Variants in CELF2 observed in about 807,000 individuals in gnomAD.
CELF2 encodes the protein CUG triplet repeat RNA-binding protein 2.
CELF2 carries 8 observed loss-of-function variants against 62.6 expected under a neutral mutation model. The observed-to-expected ratio is 0.13, with a 90% CI of 0.07 to 0.23. The LOEUF is 0.23. CELF2 is among the 10% of genes least tolerant of loss of function. The pLI is 1.00. For synonymous variants in CELF2, 258 were observed against 250.0 expected (o/e 1.03, Z -0.30); for missense variants, 333 against 671.0 (o/e 0.50, Z 5.56).
chr10:11,308,485 A>G (rs185195960), intron 9 of CELF2, among the ~76,000 whole-genome samples: 6 of 152,268 alleles, frequency 3.9e-5, no homozygotes, highest in African/African-American at 1.2e-4. Context: ...CTCTATCAGT[A>G]TATCTTCAAG....
rs563273172 is a variant in CELF2 at position 10,820,638 on chromosome 10, G to C, written c.53+21821G>C. Among the ~76,000 whole-genome samples, 11 of 152,242 alleles carry C rather than the reference G, an allele frequency of 7.2e-5. 1 individual carries two copies. The Middle Eastern group carries it at 0.014, about 188-fold the overall frequency. ...GACAGAGAGGTACAGAGTGTTGTGA[G>C]GGTGACACACAGATCTCTCACTCAG... On this transcript the variant is annotated intron_variant, in intron 1 of 13. Coordinates refer to the CELF2 transcript ENST00000636488.
rs1354016401 is a variant in CELF2 at position 11,178,434 on chromosome 10, G to A, written c.271+12752G>A. ...AAAGGAAGTGCTTCCGAGAGCCAAG[G>A]CTTTGCTCTAATCTCTGTGAAGGAA... On this transcript the variant is annotated intron_variant, in intron 2 of 12. Transcript: ENST00000633077. This position sits in a 1 kb window ranked among gnomAD's most constrained non-coding sequence, Gnocchi z 4.3. Among the ~76,000 whole-genome samples the A allele has an allele frequency of 6.6e-6, 1 of 152,256 alleles. No individual in the cohort carries two copies. Among genetic ancestry groups the A allele is most frequent in the Non-Finnish European group, 1.5e-5 (1 of 68,052 alleles).
intron 2 of CELF2, among the ~76,000 whole-genome samples, chr10:10,954,581 A>G (rs2048702549): frequency 6.6e-6 from 1 of 152,052 alleles, no homozygotes; most frequent in Non-Finnish European, 1.5e-5. Flanking sequence ...CAAATGTACC[A>G]TTTTCCCGAT....
At chr10:10,877,417 G>A (rs995559514) in intron 1 of CELF2, among the ~76,000 whole-genome samples, 6 of 152,236 alleles carry the variant, frequency 3.9e-5, no homozygotes, top group African/African-American at 1.2e-4. Context: ...GCAGGACAAC[G>A]AGAAGTGGGG....
At chr10:10,566,045 C>G in the CELF2 span, among the ~76,000 whole-genome samples, 2 of 152,122 alleles carry the variant, frequency 1.3e-5, 1 homozygote, top group South Asian at 4.1e-4. Flanking sequence ...GAACTCTATC[C>G]CAACCCATTC....
chr10:10,870,229 T>C (rs910871234), intron 1 of CELF2, among the ~76,000 whole-genome samples: 23 of 152,046 alleles, frequency 1.5e-4, no homozygotes, highest in Admixed American at 1.4e-3. Flanking sequence ...AAATATACTT[T>C]AAAAGATATG....
At chr10:10,846,688 A>G (rs2059034877) in intron 1 of CELF2, among the ~76,000 whole-genome samples, 1 of 152,244 alleles carries the variant, frequency 6.6e-6, no homozygotes, top group Non-Finnish European at 1.5e-5. Flanking sequence ...CTTTCTACCT[A>G]GAGCTCACAT....
intron 2 of CELF2, among the ~76,000 whole-genome samples, chr10:10,924,694 C>A (rs868407414): frequency 1.5e-5 from 2 of 129,772 alleles, no homozygotes; most frequent in Non-Finnish European, 3.2e-5. Flanking sequence ...TTAGACTTTT[C>A]TCTTGTATAT....
the CELF2 span, among the ~76,000 whole-genome samples, chr10:10,762,650 A>G: frequency 1.4e-3 from 210 of 152,254 alleles, no homozygotes; most frequent in African/African-American, 4.9e-3. Flanking sequence ...GGCTTCTGGG[A>G]TTCACACCCA....
the CELF2 span, among the ~76,000 whole-genome samples, chr10:10,768,320 C>G: frequency 2.6e-5 from 4 of 152,036 alleles, no homozygotes; most frequent in Non-Finnish European, 5.9e-5. Context: ...AAGCAAAGCC[C>G]TGCATGGGAT....
intron 1 of CELF2, among the ~76,000 whole-genome samples, chr10:11,071,874 G>A (rs1023016103): frequency 3.3e-5 from 5 of 152,172 alleles, no homozygotes; most frequent in East Asian, 3.8e-4. Flanking sequence ...GACAAGTCCC[G>A]AGTCAATGGG....
At chr10:10,723,667 G>A in the CELF2 span, among the ~76,000 whole-genome samples, 4 of 152,260 alleles carry the variant, frequency 2.6e-5, no homozygotes, top group Admixed American at 1.3e-4. Context: ...TGATGTTTGA[G>A]AACAAAGGAC....
chr10:11,197,637 G>A (rs945731967), intron 2 of CELF2, among the ~76,000 whole-genome samples: 3 of 152,200 alleles, frequency 2.0e-5, no homozygotes, highest in African/African-American at 2.4e-5. Flanking sequence ...GGGCTCCCCC[G>A]CCTGATCCGC....
At chr10:10,777,218 G>A in the CELF2 span, among the ~76,000 whole-genome samples, 1,192 of 152,180 alleles carry the variant, frequency 7.8e-3, 14 homozygotes, top group African/African-American at 0.028. Flanking sequence ...CACCTCGCTC[G>A]ATTGATCCCC....
chr10:10,999,437 A>G (rs988528201), intron 2 of CELF2, among the ~76,000 whole-genome samples: 6 of 152,222 alleles, frequency 3.9e-5, no homozygotes, highest in African/African-American at 1.4e-4. Flanking sequence ...GCACCTGAGT[A>G]TTATATGAGA....
chr10:10,950,422 G>A (rs2048192124), intron 2 of CELF2, among the ~76,000 whole-genome samples: 1 of 152,144 alleles, frequency 6.6e-6, no homozygotes, highest in African/African-American at 2.4e-5. Context: ...TAAAGACAAA[G>A]GAAATGTGTG....
chr10:10,660,873 G>A, the CELF2 span, among the ~76,000 whole-genome samples: 2 of 152,228 alleles, frequency 1.3e-5, no homozygotes, highest in African/African-American at 4.8e-5. Flanking sequence ...GAACCCAAAT[G>A]GAAAATTCTA....
intron 2 of CELF2, among the ~76,000 whole-genome samples, chr10:10,926,856 G>T (rs1198932310): frequency 6.6e-6 from 1 of 152,094 alleles, no homozygotes; most frequent in African/African-American, 2.4e-5. Flanking sequence ...TCTCCATCTG[G>T]GTAAATCCAG....
intron 1 of CELF2, among the ~76,000 whole-genome samples, chr10:10,858,217 A>G (rs2059860354): frequency 6.6e-6 from 1 of 152,174 alleles, no homozygotes; most frequent in African/African-American, 2.4e-5. Flanking sequence ...GAATTTCACA[A>G]ACACCAAGCA....
Sources: gnomAD v4.1 joint callset for allele counts (sites outside exome capture counted in the v4.1 genomes callset) on GRCh38, gnomAD v4.1.1 for gene constraint, Gnocchi (gnomAD v3.1) non-coding constraint, MANE v1.5 for transcripts, NCBI Gene and HGNC (gene_info 2026-07-23, HGNC 2026-07-21) for gene names.